The following PPFIA1 variants were observed in gnomAD, a reference collection of about 807,000 sequenced individuals.
PPFIA1 encodes the protein PPFI scaffold protein A1, also known as liprin-alpha-1.
PPFIA1 carries 25 observed loss-of-function variants against 149.9 expected under a neutral mutation model. That is an observed-to-expected ratio of 0.17 (90% confidence interval 0.12 to 0.23). The LOEUF (loss-of-function observed/expected upper bound fraction) is 0.23, where lower values mean the gene tolerates loss of function less well. Ranked by LOEUF, PPFIA1 falls within the 10% of genes least tolerant of loss-of-function variation. The pLI is 1.00. For synonymous variants in PPFIA1, 549 were observed against 552.8 expected (o/e 0.99, Z 0.10); for missense variants, 1,362 against 1,506.5 (o/e 0.90, Z 1.59).
In PPFIA1 at chr11:70,378,325, A is replaced by T. The variant is rs773195006; in HGVS notation, c.3550+130A>T. On this transcript the variant is annotated intron_variant, in intron 26 of 27. Coordinates refer to ENST00000253925, the MANE Select transcript of PPFIA1 (RefSeq NM_003626.5). ...GCACTTGAGTATGGTTGCATGTCCA[A>T]ATATAAATGTTTTTAAATTAACTCT... The T allele has an allele frequency of 2.2e-6, 3 of 1,352,286 alleles. No homozygotes were observed. In the African/African-American group the frequency reaches 4.4e-5, roughly 20 times the overall value. 83.8% of individuals were successfully genotyped at this position (1,352,286 alleles called of 1,614,324 possible).
intron 2 of PPFIA1, among the ~76,000 whole-genome samples, chr11:70,297,401 GT>G (rs1453108274): frequency 6.6e-6 from 1 of 151,614 alleles, no homozygotes. Context: ...AGCAAGACTT[GT>G]CTCTAAAATG....
At chr11:70,327,623 A>T (rs1257470969) in intron 7 of PPFIA1, 2 of 152,042 alleles carry the variant, frequency 1.3e-5, no homozygotes, top group African/African-American at 2.4e-5. Context: ...ATACAAAAAA[A>T]TTAGCCAGGC....
At chr11:70,336,743 C>T (rs1416838546) in intron 11 of PPFIA1, among the ~76,000 whole-genome samples, 1 of 152,162 alleles carries the variant, frequency 6.6e-6, no homozygotes, top group Non-Finnish European at 1.5e-5. Context: ...CGGAGAAGCT[C>T]TAATGGGCAG....
At chr11:70,296,090 T>C (rs1290422468) in intron 2 of PPFIA1, among the ~76,000 whole-genome samples, 1 of 150,926 alleles carries the variant, frequency 6.6e-6, no homozygotes, top group Non-Finnish European at 1.5e-5. Context: ...GATGGGCGGC[T>C]GGGCAGAGAC....
At chr11:70,356,975 G>A (rs1000905118) in intron 19 of PPFIA1, among the ~76,000 whole-genome samples, 1 of 152,108 alleles carries the variant, frequency 6.6e-6, no homozygotes, top group African/African-American at 2.4e-5. Context: ...CCAGGGTGAG[G>A]ACGTGGAGGA....
intron 14 of PPFIA1, among the ~76,000 whole-genome samples, chr11:70,343,233 C>T (rs879584340): frequency 3.9e-5 from 6 of 152,198 alleles, no homozygotes; most frequent in Non-Finnish European, 7.3e-5. Flanking sequence ...AGGTATGTGC[C>T]ACCACGCCTG....
At chr11:70,345,710 C>T (rs2055649405) in intron 15 of PPFIA1, among the ~76,000 whole-genome samples, 1 of 152,150 alleles carries the variant, frequency 6.6e-6, no homozygotes, top group African/African-American at 2.4e-5. Context: ...ACCTGTCACA[C>T]CAGCTACTTG....
At chr11:70,324,575 G>GA (rs2054154624) in intron 3 of PPFIA1, 72 bp downstream of exon 3, 1 of 1,291,310 alleles carries the variant, frequency 7.7e-7, no homozygotes, top group African/African-American at 1.5e-5. Context: ...GTGTCAAAAC[G>GA]AAAGGACGAC....
intron 19 of PPFIA1, among the ~76,000 whole-genome samples, chr11:70,359,553 T>C (rs2056531266): frequency 6.6e-6 from 1 of 152,186 alleles, no homozygotes; most frequent in African/African-American, 2.4e-5. Flanking sequence ...GTTCACTCTA[T>C]GCAGGGTGCC....
intron 16 of PPFIA1, among the ~76,000 whole-genome samples, chr11:70,352,301 T>C (rs2137291922): frequency 6.6e-6 from 1 of 152,330 alleles, no homozygotes; most frequent in South Asian, 2.1e-4. Flanking sequence ...AAAGTGGCAT[T>C]GGACCTGTGG....
intron 2 of PPFIA1, chr11:70,279,006 C>T: frequency 1.8e-6 from 1 of 545,038 alleles, no homozygotes; most frequent in South Asian, 1.8e-5. Flanking sequence ...GAAGAGAGAG[C>T]CCAATTCTTT....
chr11:70,316,889 G>T (rs759555131), intron 2 of PPFIA1, among the ~76,000 whole-genome samples: 3 of 152,086 alleles, frequency 2.0e-5, no homozygotes, highest in African/African-American at 7.2e-5. Context: ...TAAACCTTTC[G>T]TTCAGAAGTG....
intron 2 of PPFIA1, among the ~76,000 whole-genome samples, chr11:70,309,633 T>TAA (rs879503130): frequency 7.2e-6 from 1 of 139,760 alleles, no homozygotes. Context: ...CAGTTTTGCC[T>TAA]AAAAAAAAAA....
chr11:70,383,163 A>G lies in PPFIA1; in HGVS notation c.*173A>G, dbSNP rs1353569155. On this transcript the variant is annotated 3_prime_UTR_variant, in exon 28 of 28. Transcript: ENST00000253925. The stretch of plus-strand genomic sequence containing the variant: ...AATTAGTGAAAAATTCATGAATACC[A>G]TAGAGAAAATATTTTAGAATTTAAT... 1 of 348,298 alleles carries G rather than the reference A, an allele frequency of 2.9e-6. No individual in the cohort carries two copies. The highest frequency in any genetic ancestry group is 5.5e-5 in the Admixed American group (1 of 18,344). The allele number at this position is 348,298 out of a possible 1,614,324, so 21.6% of individuals were successfully genotyped here.
chr11:70,277,595 A>T (rs2136037582), intron 2 of PPFIA1, among the ~76,000 whole-genome samples: 1 of 151,014 alleles, frequency 6.6e-6, no homozygotes, highest in Admixed American at 6.6e-5. Flanking sequence ...TGTTTGAGCG[A>T]TTTTCTTGCC....
chr11:70,270,819 G>T lies in PPFIA1; in HGVS notation c.-96G>T, dbSNP rs2050023341. 6.7e-6 allele frequency: 1 copy of T among 150,022 alleles called. No homozygotes were observed. The highest frequency in any genetic ancestry group is 2.1e-4 in the South Asian group (1 of 4,820). 9.3% of individuals were successfully genotyped at this position (150,022 alleles called of 1,614,324 possible). Reference sequence around the variant, plus strand: ...TGGGGCGGGCAGGCGGACGCCGGCCGCGGGCTGCTTTCGTCGGCTCCCAAG... The same window carrying T: ...TGGGGCGGGCAGGCGGACGCCGGCCTCGGGCTGCTTTCGTCGGCTCCCAAG... On this transcript the variant is annotated 5_prime_UTR_variant, in exon 1 of 28. Coordinates refer to ENST00000253925, the MANE Select transcript of PPFIA1 (RefSeq NM_003626.5).
intron 2 of PPFIA1, chr11:70,283,884 G>T: frequency 2.1e-6 from 1 of 469,394 alleles, no homozygotes; most frequent in South Asian, 1.6e-5. Context: ...CTGCAGTGGA[G>T]CCCCCTCAAC....
At chr11:70,380,729 C>T (rs2057680348) in intron 26 of PPFIA1, among the ~76,000 whole-genome samples, 1 of 143,274 alleles carries the variant, frequency 7.0e-6, no homozygotes, top group South Asian at 2.2e-4. Flanking sequence ...GAGCAAAACT[C>T]TGTCTCAAAA....
intron 21 of PPFIA1, chr11:70,371,480 C>CATGTTCTGTATTCTGTTGTTGGTGGA (rs2057255554): frequency 1.7e-4 from 1 of 5,818 alleles, no homozygotes; most frequent in Non-Finnish European, 3.0e-4. Flanking sequence ...TGTTGGGTGG[C>CATGTTCTGTATTCTGTTGTTGGTGGA]GTGTTCTATC....
Sources: gnomAD v4.1 joint callset for allele counts (sites outside exome capture counted in the v4.1 genomes callset) on GRCh38, gnomAD v4.1.1 for gene constraint, MANE v1.5 for transcripts, NCBI Gene and HGNC (gene_info 2026-07-23, HGNC 2026-07-21) for gene names.